MMP24: variants seen among roughly 807,000 people sequenced by gnomAD.
MMP24 encodes matrix metallopeptidase 24, also known as matrix metalloproteinase-24.
Under a neutral mutation model 62.8 loss-of-function variants are expected in MMP24, and 25 were observed. That is an observed-to-expected ratio of 0.40 (90% confidence interval 0.29 to 0.56). MMP24 has a LOEUF of 0.56. MMP24 is among the 20% of genes least tolerant of loss of function. The pLI is 0.50. For missense variants in MMP24, 634 were observed against 853.6 expected (o/e 0.74, Z 3.21); for synonymous variants, 319 against 350.5 (o/e 0.91, Z 1.00).
At chr20:35,234,340 T>G (rs1315051602) in intron 1 of MMP24, among the ~76,000 whole-genome samples, 1 of 152,204 alleles carries the variant, frequency 6.6e-6, no homozygotes, top group Non-Finnish European at 1.5e-5. Flanking sequence ...TTATCACCAC[T>G]GTAATGAAAT....
At chr20:35,272,192 AG>A in intron 8 of MMP24, 1 of 428,302 alleles carries the variant, frequency 2.3e-6, no homozygotes. Context: ...ACTTTTTCAC[AG>A]GGCTCGAGGG....
intron 1 of MMP24, among the ~76,000 whole-genome samples, chr20:35,235,909 C>A (rs767738145): frequency 6.6e-6 from 1 of 152,098 alleles, no homozygotes; most frequent in African/African-American, 2.4e-5. Flanking sequence ...ACACTCCTGA[C>A]TGTGGGCAGA....
At chr20:35,268,902 C>A (rs2060651581) in intron 6 of MMP24, among the ~76,000 whole-genome samples, 1 of 152,172 alleles carries the variant, frequency 6.6e-6, no homozygotes, top group Non-Finnish European at 1.5e-5. Context: ...TGGCGGGCGC[C>A]TGTAGTCCCA....
At chr20:35,273,756 T>A (rs999066685) in intron 8 of MMP24, among the ~76,000 whole-genome samples, 1 of 152,148 alleles carries the variant, frequency 6.6e-6, no homozygotes, top group African/African-American at 2.4e-5. Context: ...CTGCCCAGCC[T>A]CTCTCCCAGA....
rs1011207327 is a variant in MMP24 at position 35,227,011 on chromosome 20, G to T, written c.246+27G>T. The T allele has an allele frequency of 3.3e-5, 32 of 980,304 alleles. No individual in the cohort carries two copies. In the Middle Eastern group the frequency reaches 2.1e-3, roughly 63 times the overall value. The allele number at this position is 980,304 out of a possible 1,614,324, so 60.7% of individuals were successfully genotyped here. A position where few individuals can be genotyped will look rare whatever the true frequency, so the allele number is the denominator to read the frequency against. On this transcript the variant is annotated intron_variant, in intron 1 of 8. Coordinates refer to ENST00000246186, the MANE Select transcript of MMP24 (RefSeq NM_006690.4). ...TGGGGCTGGCGCGCGGGGCCGGGGCGCGGGCTCGGGGCATCCGGGCAGGGC... is the reference window on the plus strand; with the variant it reads ...TGGGGCTGGCGCGCGGGGCCGGGGCTCGGGCTCGGGGCATCCGGGCAGGGC...
intron 1 of MMP24, among the ~76,000 whole-genome samples, chr20:35,240,325 A>G (rs1335705548): frequency 6.6e-6 from 1 of 151,934 alleles, no homozygotes; most frequent in East Asian, 1.9e-4. Context: ...CATATTGTCT[A>G]TGATCTCTAC....
intron 1 of MMP24, 59 bp downstream of exon 1, chr20:35,227,043 C>A (rs903095577): frequency 1.8e-4 from 179 of 974,010 alleles, no homozygotes; most frequent in Admixed American, 7.6e-4. Context: ...GGGCGGGGGG[C>A]GGCACCGGGG....
intron 1 of MMP24, among the ~76,000 whole-genome samples, chr20:35,232,299 A>C (rs771636098): frequency 1.3e-5 from 2 of 152,234 alleles, no homozygotes; most frequent in African/African-American, 4.8e-5. Flanking sequence ...GTTTGAACTC[A>C]AAACAGGAAG....
At chr20:35,241,570 T>C (rs2060488566) in intron 1 of MMP24, among the ~76,000 whole-genome samples, 1 of 152,180 alleles carries the variant, frequency 6.6e-6, no homozygotes, top group Non-Finnish European at 1.5e-5. Flanking sequence ...GCCTATGACC[T>C]GAGTCCATAG....
intron 1 of MMP24, among the ~76,000 whole-genome samples, chr20:35,233,224 T>C (rs1191267719): frequency 6.6e-6 from 1 of 152,156 alleles, no homozygotes; most frequent in Non-Finnish European, 1.5e-5. Flanking sequence ...CTGGCCAACA[T>C]GGTGAAACCC....
intron 1 of MMP24, among the ~76,000 whole-genome samples, chr20:35,238,164 G>A (rs1180608326): frequency 1.3e-5 from 2 of 152,154 alleles, no homozygotes; most frequent in African/African-American, 2.4e-5. Context: ...GAGAGCAGAG[G>A]CTGGCTACTG....
rs979952681 is a variant in MMP24, at chr20:35,271,194, A to G, written c.1334-375A>G. ...GGAGCTCTGGGGAGCCAGCCAATGC[A>G]GAGCTGCCGGTAGGCCGAGGGAGGT... On this transcript the variant is annotated intron_variant, in intron 7 of 8. Coordinates refer to ENST00000246186, the MANE Select transcript of MMP24 (RefSeq NM_006690.4). The surrounding 1 kb of genome is among the most constrained non-coding windows in gnomAD (Gnocchi z 4.0). Among the ~76,000 whole-genome samples, 1 of 152,180 alleles carries G rather than the reference A, an allele frequency of 6.6e-6. No homozygotes were observed. Among genetic ancestry groups the G allele is most frequent in the African/African-American group, 2.4e-5 (1 of 41,454 alleles).
chr20:35,240,032 C>A, intron 1 of MMP24, among the ~76,000 whole-genome samples: 1 of 152,098 alleles, frequency 6.6e-6, no homozygotes, highest in East Asian at 1.9e-4. Flanking sequence ...GCTGCCTGTC[C>A]AACACTCTGA....
At chr20:35,259,365 G>C (rs956128334) in intron 4 of MMP24, among the ~76,000 whole-genome samples, 1 of 152,110 alleles carries the variant, frequency 6.6e-6, no homozygotes, top group African/African-American at 2.4e-5. Context: ...CATTCCGGGG[G>C]CTGTCACCTG....
At position 35,263,818 on chromosome 20, in the gene MMP24, A is replaced by C; in HGVS notation, c.845A>C (p.His282Pro). ...AACGACCTCTTCCTGGTGGCTGTGC[A>C]TGAGCTGGGCCACGCGCTGGGACTG... Reference protein sequence around the residue: ...DGNDLFLVAVHELGHALGLEH... With the variant: ...DGNDLFLVAVPELGHALGLEH... The change falls in exon 5 of 9, where the codon CAT becomes CCT. Residue 282 changes from histidine to proline, a missense_variant. Physicochemically the swap from His to Pro is moderately conservative, Grantham distance 77. Transcript: ENST00000246186. 1 of 1,595,006 alleles carries C rather than the reference A, an allele frequency of 6.3e-7. No homozygotes were observed. Among genetic ancestry groups the C allele is most frequent in the South Asian group, 1.1e-5 (1 of 88,532 alleles).
At chr20:35,239,021 G>A (rs2060476101) in intron 1 of MMP24, among the ~76,000 whole-genome samples, 1 of 151,430 alleles carries the variant, frequency 6.6e-6, no homozygotes, top group Non-Finnish European at 1.5e-5. Flanking sequence ...CTACAGGGGT[G>A]TGTCACCACG....
At chr20:35,229,639 C>G (rs1302262819) in intron 1 of MMP24, among the ~76,000 whole-genome samples, 1 of 152,144 alleles carries the variant, frequency 6.6e-6, no homozygotes, top group Non-Finnish European at 1.5e-5. Flanking sequence ...GATAATATTG[C>G]TTACTCCTCT....
At position 35,246,834 on chromosome 20, in the gene MMP24, T is replaced by G. The variant is rs763584115; in HGVS notation, c.247-6T>G. 1 of 1,613,812 alleles carries G rather than the reference T, an allele frequency of 6.2e-7. No homozygotes were observed. The stretch of plus-strand genomic sequence containing the variant: ...AACGCATCTTTTTCTTTCCCGTGTC[T>G]TTCAGAACTGGTTAAAGTCCTATGG... On this transcript the variant is annotated splice_polypyrimidine_tract_variant and splice_region_variant and intron_variant, in intron 1 of 8. Coordinates refer to ENST00000246186, the MANE Select transcript of MMP24 (RefSeq NM_006690.4).
intron 1 of MMP24, among the ~76,000 whole-genome samples, chr20:35,245,566 A>G (rs905894552): frequency 1.3e-5 from 2 of 151,654 alleles, no homozygotes; most frequent in African/African-American, 4.8e-5. Flanking sequence ...CTCCTGCCTT[A>G]GCCTCCTGAG....
Sources: allele counts gnomAD v4.1 joint callset (sites outside exome capture counted in the v4.1 genomes callset), GRCh38; gene constraint gnomAD v4.1.1; non-coding constraint Gnocchi (gnomAD v3.1); transcripts MANE v1.5; gene names NCBI Gene and HGNC (gene_info 2026-07-23, HGNC 2026-07-21).